The following ZNF44 variants were observed in gnomAD, a reference collection of about 807,000 sequenced individuals.
The protein encoded by ZNF44 is zinc finger protein 44.
In ZNF44, 9 loss-of-function variants were observed where a neutral mutation model predicts 11.7. The ratio of observed to expected loss-of-function variants is 0.77; its 90% confidence interval spans 0.46 to 1.35. The LOEUF is 1.35. ZNF44 is among the 40% of genes most tolerant of loss of function. ZNF44 has a pLI of 0.00. For synonymous variants in ZNF44, 224 were observed against 242.7 expected (o/e 0.92, Z 0.72); for missense variants, 696 against 743.1 (o/e 0.94, Z 0.74).
intron 1 of ZNF44, among the ~76,000 whole-genome samples, chr19:12,292,481 A>G (rs1234858566): frequency 6.6e-6 from 1 of 152,098 alleles, no homozygotes; most frequent in Non-Finnish European, 1.5e-5. Flanking sequence ...TAACTGAACA[A>G]ATCTTTTCAG....
chr19:12,232,658 G>C (rs1269955283), intron 2 of ZNF44, among the ~76,000 whole-genome samples: 1 of 152,154 alleles, frequency 6.6e-6, no homozygotes, highest in Middle Eastern at 3.2e-3. Context: ...AGGGGGTTGG[G>C]ACTAACGTTA....
At chr19:12,231,810 C>CT (rs1916174887) in intron 2 of ZNF44, among the ~76,000 whole-genome samples, 1 of 152,156 alleles carries the variant, frequency 6.6e-6, no homozygotes, top group Admixed American at 6.5e-5. Context: ...TGTCCCTGGA[C>CT]TTTTTTGAGA....
chr19:12,266,560 A>G (rs1429297459), intron 5 of ZNF44, among the ~76,000 whole-genome samples: 1 of 151,992 alleles, frequency 6.6e-6, no homozygotes, highest in African/African-American at 2.4e-5. Flanking sequence ...GGGGTGGGGG[A>G]CACAGTGCAG....
chr19:12,275,985 C>T lies in ZNF44; in HGVS notation c.101G>A (p.Arg34Gln), dbSNP rs137984148. 3.1e-6 allele frequency: 5 copies of T among 1,607,726 alleles called. No individual in the cohort carries two copies. The highest frequency in any genetic ancestry group is 1.3e-5 in the African/African-American group (1 of 74,720). Residue 34 changes from arginine to glutamine, a missense_variant, in exon 2 of 4, where the codon CGA becomes CAA. Coordinates refer to ENST00000355684, the MANE Select transcript of ZNF44 (RefSeq NM_016264.4). Reference sequence around the variant, plus strand: ...ACAGTTCAGGTTCCTAATGGTTTCTCGCATCACATCTCTGTAGAGATTCTT... The same window carrying T: ...ACAGTTCAGGTTCCTAATGGTTTCTTGCATCACATCTCTGTAGAGATTCTT... The part of the protein sequence containing the change: ...SQKNLYRDVM[R>Q]ETIRNLNCIG...
chr19:12,240,022 T>G (rs1642368193), upstream of ZNF44, among the ~76,000 whole-genome samples: 3 of 152,112 alleles, frequency 2.0e-5, no homozygotes, highest in African/African-American at 7.2e-5. Flanking sequence ...CTGAAACAAA[T>G]TAAAGAACAG....
At chr19:12,228,927 A>G (rs1269805559) in intron 3 of ZNF44, among the ~76,000 whole-genome samples, 1 of 152,178 alleles carries the variant, frequency 6.6e-6, no homozygotes, top group Non-Finnish European at 1.5e-5. Flanking sequence ...AGTATTTGGC[A>G]GAGATAAGAA....
chr19:12,254,112 C>A lies in ZNF44; in HGVS notation c.1913-3744G>T, dbSNP rs569965969. On this transcript the variant is annotated intron_variant and NMD_transcript_variant, in intron 5 of 7. Transcript: ENST00000393337. The stretch of plus-strand genomic sequence containing the variant: ...TCTCAAGTTCACATGGAACAGTCAC[C>A]AAGATAAGATAGACTACATTGTGGG... Among the ~76,000 whole-genome samples the A allele has an allele frequency of 1.1e-4, 17 of 150,928 alleles. No homozygotes were observed. In the South Asian group the frequency reaches 3.6e-3, roughly 32 times the overall value.
At chr19:12,230,853 G>T (rs1916133890) in intron 2 of ZNF44, among the ~76,000 whole-genome samples, 1 of 152,172 alleles carries the variant, frequency 6.6e-6, no homozygotes, top group Non-Finnish European at 1.5e-5. Context: ...GGGTGAGGGG[G>T]CTTATTACAA....
intron 7 of ZNF44, chr19:12,249,851 G>GGCTA: frequency 1.5e-6 from 1 of 658,466 alleles, no homozygotes; most frequent in Non-Finnish European, 2.2e-6. Flanking sequence ...TGCGCTAGCT[G>GGCTA]GGTTAATATT....
intron 5 of ZNF44, among the ~76,000 whole-genome samples, chr19:12,254,986 G>C (rs1294223911): frequency 1.3e-5 from 2 of 152,080 alleles, no homozygotes; most frequent in African/African-American, 4.8e-5. Context: ...CTACTTGGGA[G>C]GCTGAGGCAC....
At chr19:12,226,938 C>T (rs952453223) in intron 3 of ZNF44, among the ~76,000 whole-genome samples, 7 of 151,936 alleles carry the variant, frequency 4.6e-5, no homozygotes, top group Non-Finnish European at 7.4e-5. Context: ...TGGTGGCGAA[C>T]GCCTGTAATC....
At chr19:12,252,989 G>A (rs1387869881) in intron 5 of ZNF44, among the ~76,000 whole-genome samples, 1 of 143,958 alleles carries the variant, frequency 6.9e-6, no homozygotes, top group Non-Finnish European at 1.5e-5. Context: ...CAGGGTTTAA[G>A]CGATTCTCCT....
At chr19:12,234,367 A>T (rs1255244537) in intron 2 of ZNF44, among the ~76,000 whole-genome samples, 2 of 152,226 alleles carry the variant, frequency 1.3e-5, no homozygotes, top group East Asian at 3.8e-4. Context: ...ACATGCAAAG[A>T]TCCCCTCAAG....
chr19:12,282,369 C>A (rs187522686), intron 1 of ZNF44, among the ~76,000 whole-genome samples: 1 of 152,026 alleles, frequency 6.6e-6, no homozygotes, highest in Admixed American at 6.6e-5. Flanking sequence ...GAAGTGATAA[C>A]CTACAGGTCA....
rs1269190182 is a variant in ZNF44, at chr19:12,272,281, G to A, written c.*126C>T. ...GCCTCTCAAAGTGCTGGGATTACAG[G>A]TGTGAGCCGCTGCGCCCAGCCTGGA... is the stretch of plus-strand genomic sequence containing the variant. On this transcript the variant is annotated 3_prime_UTR_variant, in exon 4 of 4. Coordinates refer to ENST00000355684, the MANE Select transcript of ZNF44 (RefSeq NM_016264.4). 2.9e-6 allele frequency: 4 copies of A among 1,368,458 alleles called. No individual in the cohort carries two copies. The highest frequency in any genetic ancestry group is 1.9e-6 in the Non-Finnish European group (2 of 1,065,588). 84.8% of individuals were successfully genotyped at this position (1,368,458 alleles called of 1,614,324 possible). A position where few individuals can be genotyped will look rare whatever the true frequency, so the allele number is the denominator to read the frequency against.
At chr19:12,238,830 C>G (rs886704736), upstream of ZNF44, among the ~76,000 whole-genome samples, 2 of 152,012 alleles carry the variant, frequency 1.3e-5, no homozygotes, top group Non-Finnish European at 2.9e-5. Flanking sequence ...TTTTAACTAG[C>G]TCAGATAAGC....
In ZNF44 at chr19:12,278,003, C is replaced by A. The variant is rs111413522; in HGVS notation, c.4-1921G>T. On this transcript the variant is annotated intron_variant, in intron 1 of 3. Coordinates refer to ENST00000355684, the MANE Select transcript of ZNF44 (RefSeq NM_016264.4). Reference sequence around the variant, plus strand: ...GTGTGGTGGCTCACACCTGTAATCCCAGTACTTTGGGAGGCCAAGGTGTTG... The same window carrying A: ...GTGTGGTGGCTCACACCTGTAATCCAAGTACTTTGGGAGGCCAAGGTGTTG... Among the ~76,000 whole-genome samples the A allele has an allele frequency of 6.2e-3, 940 of 152,330 alleles. 6 individuals carry two copies. The highest frequency in any genetic ancestry group is 0.01 in the Non-Finnish European group (709 of 68,026).
chr19:12,275,698 C>A lies in ZNF44; in HGVS notation c.130+258G>T, dbSNP rs565133141. Among the ~76,000 whole-genome samples, 4 of 152,260 alleles carry A rather than the reference C, an allele frequency of 2.6e-5. No individual in the cohort carries two copies. The South Asian group carries it at 8.3e-4, about 32-fold the overall frequency. Reference sequence around the variant, plus strand: ...TCTAACTTACTTTATTCTGAGAATACAGTATGCAATACATATGACATATAT... The same window carrying A: ...TCTAACTTACTTTATTCTGAGAATAAAGTATGCAATACATATGACATATAT... On this transcript the variant is annotated intron_variant, in intron 2 of 3. Transcript: ENST00000355684.
At chr19:12,289,438 T>C (rs1451666669) in intron 1 of ZNF44, among the ~76,000 whole-genome samples, 8 of 152,138 alleles carry the variant, frequency 5.3e-5, no homozygotes, top group South Asian at 2.1e-4. Flanking sequence ...ACTCATCCCA[T>C]GAACAGGCTT....
Sources: allele counts gnomAD v4.1 joint callset (sites outside exome capture counted in the v4.1 genomes callset), GRCh38; gene constraint gnomAD v4.1.1; transcripts MANE v1.5; gene names NCBI Gene and HGNC (gene_info 2026-07-23, HGNC 2026-07-21).